ZNG1B: variants seen among roughly 807,000 people sequenced by gnomAD.
ZNG1B encodes Zn regulated GTPase metalloprotein activator 1B.
chr2:113,447,849 C>T, the ZNG1B span: 3 of 452,544 alleles, frequency 6.6e-6, no homozygotes, highest in Non-Finnish European at 1.3e-5. Flanking sequence ...TCTTCAGACT[C>T]CCCTTCTAAT....
At chr2:113,455,549 T>G in the ZNG1B span, 1 of 1,282,508 alleles carries the variant, frequency 7.8e-7, no homozygotes, top group South Asian at 1.2e-5. Flanking sequence ...GTTTCTCAGC[T>G]TCCCAAGTGA....
chr2:113,468,564 T>G, the ZNG1B span: 1 of 146,498 alleles, frequency 6.8e-6, no homozygotes, highest in South Asian at 2.1e-4. Flanking sequence ...CCTTTTTTGT[T>G]TACTTCATTC....
chr2:113,491,276 A>C, the ZNG1B span, among the ~76,000 whole-genome samples: 1 of 87,644 alleles, frequency 1.1e-5, no homozygotes, highest in Non-Finnish European at 2.3e-5. Context: ...CCAAAACAGC[A>C]TGGTACGGTT....
the ZNG1B span, among the ~76,000 whole-genome samples, chr2:113,458,210 T>C: frequency 6.6e-6 from 1 of 152,138 alleles, no homozygotes; most frequent in Non-Finnish European, 1.5e-5. Flanking sequence ...GACCAAATGG[T>C]ATATAATGTA....
chr2:113,458,292 A>G, the ZNG1B span, among the ~76,000 whole-genome samples: 1 of 152,198 alleles, frequency 6.6e-6, no homozygotes, highest in Non-Finnish European at 1.5e-5. Context: ...TTGGGAAGGT[A>G]GGAAGTCACA....
At chr2:113,454,708 T>C in the ZNG1B span, 1 of 1,569,200 alleles carries the variant, frequency 6.4e-7, no homozygotes, top group Non-Finnish European at 8.7e-7. Flanking sequence ...ACATTCTTTT[T>C]AAAAAGTGAT....
At chr2:113,450,036 A>G in the ZNG1B span, among the ~76,000 whole-genome samples, 1 of 144,678 alleles carries the variant, frequency 6.9e-6, no homozygotes, top group African/African-American at 2.5e-5. Context: ...GAAAAGTCTG[A>G]TTTTTCTCCC....
the ZNG1B span, among the ~76,000 whole-genome samples, chr2:113,483,386 A>G: frequency 1.3e-5 from 2 of 152,000 alleles, no homozygotes; most frequent in Non-Finnish European, 2.9e-5. Flanking sequence ...TACGTATAAA[A>G]TCTGTATTGC....
chr2:113,450,585 T>A, the ZNG1B span, among the ~76,000 whole-genome samples: 2 of 136,236 alleles, frequency 1.5e-5, 1 homozygote, highest in African/African-American at 5.8e-5. Context: ...TTGTTGGGAA[T>A]TTTCTTTAGT....
chr2:113,492,157 G>C, the ZNG1B span, among the ~76,000 whole-genome samples: 9 of 139,734 alleles, frequency 6.4e-5, 2 homozygotes, highest in East Asian at 1.4e-3. Flanking sequence ...CAGAGGAAAA[G>C]AAGTCATTAT....
chr2:113,477,394 A>C, the ZNG1B span, among the ~76,000 whole-genome samples: 1 of 151,916 alleles, frequency 6.6e-6, no homozygotes, highest in Non-Finnish European at 1.5e-5. Flanking sequence ...TGGTGCACGC[A>C]CCCACTGACC....
chr2:113,476,449 C>T, the ZNG1B span, among the ~76,000 whole-genome samples: 1 of 150,128 alleles, frequency 6.7e-6, no homozygotes, highest in Non-Finnish European at 1.5e-5. Flanking sequence ...CCTCCCATAG[C>T]TCGGAGTAGT....
chr2:113,446,323 C>T, the ZNG1B span, among the ~76,000 whole-genome samples: 12 of 152,130 alleles, frequency 7.9e-5, 1 homozygote, highest in South Asian at 2.5e-3. Context: ...CTTAATGTTT[C>T]TTGCTTCTAA....
At chr2:113,492,015 A>G in the ZNG1B span, among the ~76,000 whole-genome samples, 75 of 132,524 alleles carry the variant, frequency 5.7e-4, 11 homozygotes, top group South Asian at 8.3e-3. Context: ...TGTGGTGAAC[A>G]CGGAACACTT....
chr2:113,447,187 TG>T, the ZNG1B span, among the ~76,000 whole-genome samples: 1 of 116,384 alleles, frequency 8.6e-6, no homozygotes, highest in East Asian at 2.4e-4. Context: ...CCCAGCTACT[TG>T]GGAGGATCAC....
At chr2:113,466,541 C>A in the ZNG1B span, 1 of 974,704 alleles carries the variant, frequency 1.0e-6, no homozygotes, top group Non-Finnish European at 1.2e-6. Flanking sequence ...GAGCAAGTGA[C>A]TAAAATCTTC....
chr2:113,440,301 G>A, the ZNG1B span, among the ~76,000 whole-genome samples: 8 of 151,616 alleles, frequency 5.3e-5, no homozygotes, highest in Admixed American at 3.9e-4. Context: ...ATGTCTTAAA[G>A]TGTTTTTTTT....
the ZNG1B span, chr2:113,447,337 A>G: frequency 5.8e-5 from 21 of 363,248 alleles, no homozygotes; most frequent in Non-Finnish European, 9.2e-5. Context: ...TAAAATGTGT[A>G]ATAGAATTGT....
chr2:113,448,933 GTC>G, the ZNG1B span, among the ~76,000 whole-genome samples: 1 of 151,650 alleles, frequency 6.6e-6, no homozygotes, highest in Non-Finnish European at 1.5e-5. Context: ...TAAAAAATAA[GTC>G]TGTTGCTTAG....
Sources: gnomAD v4.1 joint callset for allele counts (sites outside exome capture counted in the v4.1 genomes callset) on GRCh38, gnomAD v4.1.1 for gene constraint, MANE v1.5 for transcripts, NCBI Gene and HGNC (gene_info 2026-07-23, HGNC 2026-07-21) for gene names.